The following ZMAT4 variants were observed in gnomAD, a reference collection of about 807,000 sequenced individuals.
The protein encoded by ZMAT4 is zinc finger matrin-type protein 4.
ZMAT4 carries 17 observed loss-of-function variants against 28.7 expected under a neutral mutation model. The ratio of observed to expected loss-of-function variants is 0.59; its 90% CI spans 0.41 to 0.89. The LOEUF (loss-of-function observed/expected upper bound fraction) is 0.89, where lower values mean the gene tolerates loss of function less well. Among genes scored for constraint, ZMAT4 ranks in the 40% least tolerant of loss-of-function variants. The probability of loss-of-function intolerance (pLI) is 0.00; values close to 1 mark genes in which losing one functional copy is unlikely to be tolerated. For synonymous variants in ZMAT4, 117 were observed against 109.2 expected, an observed-to-expected ratio of 1.07 and a Z score of -0.44; for missense variants, 240 against 283.8, an observed-to-expected ratio of 0.85 and a Z score of 1.11.
intron 5 of ZMAT4, among the ~76,000 whole-genome samples, chr8:40,591,298 G>A (rs1804885761): frequency 6.6e-6 from 1 of 152,170 alleles, no homozygotes; most frequent in African/African-American, 2.4e-5. Flanking sequence ...TGGAATCATT[G>A]CTAATCTGCT....
rs112166932 is a variant in ZMAT4 at position 40,573,528 on chromosome 8, C to T, written c.674+7637G>A. Among the ~76,000 whole-genome samples, 976 of 152,238 alleles carry T rather than the reference C, an allele frequency of 6.4e-3. 10 individuals carry two copies. The highest frequency in any genetic ancestry group is 0.022 in the African/African-American group (935 of 41,562). Reference sequence around the variant, plus strand: ...TGGATTTAAGGCTTACTGTAGATTTCGGATGATTTCATCTTGAGAATCTTA... The same window carrying T: ...TGGATTTAAGGCTTACTGTAGATTTTGGATGATTTCATCTTGAGAATCTTA... On this transcript the variant is annotated intron_variant, in intron 6 of 6. Coordinates refer to ENST00000297737, the MANE Select transcript of ZMAT4 (RefSeq NM_024645.3).
intron 3 of ZMAT4, among the ~76,000 whole-genome samples, chr8:40,697,976 T>C (rs1809971378): frequency 6.6e-6 from 1 of 152,008 alleles, no homozygotes; most frequent in Non-Finnish European, 1.5e-5. Context: ...AATATCAGAG[T>C]TCAGATAGCC....
At chr8:40,653,668 A>G (rs1196096212) in intron 5 of ZMAT4, among the ~76,000 whole-genome samples, 1 of 152,150 alleles carries the variant, frequency 6.6e-6, no homozygotes, top group Admixed American at 6.5e-5. Context: ...CAACCTACTT[A>G]AAACAGATAA....
At chr8:40,707,967 AG>A (rs1485537462) in intron 3 of ZMAT4, among the ~76,000 whole-genome samples, 2 of 152,216 alleles carry the variant, frequency 1.3e-5, no homozygotes, top group Admixed American at 1.3e-4. Context: ...TGTTGGCAGC[AG>A]TGGTATCGTT....
In ZMAT4 at chr8:40,756,123, A is replaced by G. The variant is rs139308805; in HGVS notation, c.192+11518T>C. ...CTCTCCTCCCACCAGGGGTACTTTG[A>G]GTGGGGGAAGATAAAAAGCATCTGG... On this transcript the variant is annotated intron_variant, in intron 3 of 6. Coordinates refer to ENST00000297737, the MANE Select transcript of ZMAT4 (RefSeq NM_024645.3). Among the ~76,000 whole-genome samples the G allele has an allele frequency of 2.4e-3, 363 of 152,094 alleles. 1 individual carries two copies. The highest frequency in any genetic ancestry group is 8.4e-3 in the African/African-American group (347 of 41,502).
chr8:40,680,657 G>A (rs1337537342), intron 4 of ZMAT4, among the ~76,000 whole-genome samples: 1 of 149,684 alleles, frequency 6.7e-6, no homozygotes, highest in African/African-American at 2.5e-5. Flanking sequence ...CATTCAAGCT[G>A]ACAACATACA....
At chr8:40,810,598 A>G (rs1563499775) in intron 2 of ZMAT4, among the ~76,000 whole-genome samples, 1 of 152,228 alleles carries the variant, frequency 6.6e-6, no homozygotes, top group Non-Finnish European at 1.5e-5. Flanking sequence ...AAATATGAAT[A>G]TGAAAAATGG....
intron 3 of ZMAT4, among the ~76,000 whole-genome samples, chr8:40,727,256 A>G (rs1811351758): frequency 6.6e-6 from 1 of 152,102 alleles, no homozygotes; most frequent in Non-Finnish European, 1.5e-5. Flanking sequence ...AGTTCTCGTC[A>G]TCTCAGGCAG....
At chr8:40,550,938 A>C (rs976031796) in intron 6 of ZMAT4, among the ~76,000 whole-genome samples, 17 of 152,216 alleles carry the variant, frequency 1.1e-4, no homozygotes, top group African/African-American at 4.1e-4. Context: ...TAATAGGAGA[A>C]TATCATATAG....
intron 5 of ZMAT4, among the ~76,000 whole-genome samples, chr8:40,619,897 A>C (rs2118687304): frequency 6.6e-6 from 1 of 152,244 alleles, no homozygotes; most frequent in South Asian, 2.1e-4. Flanking sequence ...TGGGTCAATA[A>C]TGTCTTTTTC....
At chr8:40,611,568 C>T (rs930078322) in intron 5 of ZMAT4, among the ~76,000 whole-genome samples, 1 of 152,160 alleles carries the variant, frequency 6.6e-6, no homozygotes, top group African/African-American at 2.4e-5. Flanking sequence ...TCTCGATCTC[C>T]TGACCTGGTG....
chr8:40,701,021 T>A (rs1280418510), intron 3 of ZMAT4, among the ~76,000 whole-genome samples: 1 of 151,896 alleles, frequency 6.6e-6, no homozygotes, highest in Non-Finnish European at 1.5e-5. Flanking sequence ...GACATAAAAG[T>A]CAAAAGAGGA....
chr8:40,547,771 A>G lies in ZMAT4; in HGVS notation c.675-15533T>C, dbSNP rs550544357. ...CTTAATCACTTTTAATGTGCCGAAA[A>G]TACAGCAGAAAATCAAAGTGGCAAA... On this transcript the variant is annotated intron_variant, in intron 6 of 6. Coordinates refer to ENST00000297737, the MANE Select transcript of ZMAT4 (RefSeq NM_024645.3). 3.3e-5 allele frequency among the ~76,000 whole-genome samples: 5 copies of G among 152,310 alleles called. No individual in the cohort carries two copies. The East Asian group carries it at 9.6e-4, about 29-fold the overall frequency.
At chr8:40,671,551 A>G (rs983830557) in intron 5 of ZMAT4, among the ~76,000 whole-genome samples, 7 of 152,198 alleles carry the variant, frequency 4.6e-5, no homozygotes, top group African/African-American at 1.7e-4. Context: ...GTGATCCACA[A>G]TAAGCCAGAC....
At chr8:40,687,088 T>A (rs1055188329) in intron 4 of ZMAT4, among the ~76,000 whole-genome samples, 1 of 152,178 alleles carries the variant, frequency 6.6e-6, no homozygotes, top group Admixed American at 6.5e-5. Flanking sequence ...TTCAAAGCTA[T>A]CTACGATGTT....
At chr8:40,576,351 T>A (rs1804263315) in intron 6 of ZMAT4, among the ~76,000 whole-genome samples, 1 of 150,872 alleles carries the variant, frequency 6.6e-6, no homozygotes, top group African/African-American at 2.4e-5. Flanking sequence ...AAAAAGGTCC[T>A]CCCTGAGGCA....
At chr8:40,595,277 T>G in intron 5 of ZMAT4, among the ~76,000 whole-genome samples, 1 of 152,156 alleles carries the variant, frequency 6.6e-6, no homozygotes, top group Non-Finnish European at 1.5e-5. Flanking sequence ...CTGTTCAGAC[T>G]GATCTCCCAG....
chr8:40,588,657 G>T, intron 5 of ZMAT4, among the ~76,000 whole-genome samples: 1 of 152,036 alleles, frequency 6.6e-6, no homozygotes, highest in East Asian at 1.9e-4. Context: ...ACTAGAATTT[G>T]ACACATTCTT....
At chr8:40,814,732 GT>G (rs1815463387) in intron 2 of ZMAT4, among the ~76,000 whole-genome samples, 1 of 152,200 alleles carries the variant, frequency 6.6e-6, no homozygotes, top group South Asian at 2.1e-4. Context: ...TTGGAAAGTG[GT>G]TTCATCTGAG....
Sources: allele counts gnomAD v4.1 joint callset (sites outside exome capture counted in the v4.1 genomes callset), GRCh38; gene constraint gnomAD v4.1.1; transcripts MANE v1.5; gene names NCBI Gene and HGNC (gene_info 2026-07-23, HGNC 2026-07-21).